The following COL4A5 variants were observed in gnomAD, a reference collection of about 807,000 sequenced individuals.
COL4A5 encodes collagen alpha-5(IV) chain.
In COL4A5, 26 loss-of-function variants were observed where a neutral mutation model predicts 130.2. That is an observed-to-expected ratio of 0.20 (90% CI 0.15 to 0.28). The LOEUF is 0.28. COL4A5 is among the 10% of genes least tolerant of loss of function. COL4A5 has a pLI of 1.00. For synonymous variants in COL4A5, 496 were observed against 439.6 expected (o/e 1.13, Z -1.60); for missense variants, 1,131 against 1,344.3 (o/e 0.84, Z 2.48).
At chrX:108,688,774 A>G (rs889263311) in intron 49 of COL4A5, among the ~76,000 whole-genome samples, 4 of 111,752 alleles carry the variant, frequency 3.6e-5, no homozygotes, top group South Asian at 3.7e-4. Flanking sequence ...CTTTGCCTCC[A>G]TAAAGACATT....
intron 1 of COL4A5, among the ~76,000 whole-genome samples, chrX:108,470,376 A>T (rs1460313638): frequency 1.8e-5 from 2 of 111,655 alleles, no homozygotes; most frequent in Non-Finnish European, 3.8e-5. Flanking sequence ...TGTGGTTTTG[A>T]TTTGTATTTC....
At chrX:108,540,918 T>C (rs2065529737) in intron 2 of COL4A5, among the ~76,000 whole-genome samples, 1 of 112,230 alleles carries the variant, frequency 8.9e-6, no homozygotes, top group Non-Finnish European at 1.9e-5. Flanking sequence ...AGAGTTATAC[T>C]AGGAGATGGG....
chrX:108,625,304 CAT>C (rs1308125324), intron 34 of COL4A5, among the ~76,000 whole-genome samples: 2 of 111,489 alleles, frequency 1.8e-5, no homozygotes, highest in African/African-American at 6.5e-5. Flanking sequence ...TTTCTGATCT[CAT>C]ATAATCACGC....
intron 36 of COL4A5, among the ~76,000 whole-genome samples, chrX:108,637,787 T>C (rs946462894): frequency 6.3e-5 from 7 of 110,530 alleles, no homozygotes; most frequent in African/African-American, 2.3e-4. Context: ...ATTGACTCAG[T>C]AATCAAAAAC....
chrX:108,466,188 A>C (rs1442471898), intron 1 of COL4A5, among the ~76,000 whole-genome samples: 1 of 111,224 alleles, frequency 9.0e-6, no homozygotes, highest in African/African-American at 3.3e-5. Context: ...ATCTATTGTG[A>C]TGAGTGCTGC....
chrX:108,629,751 T>G (rs2147879450), intron 36 of COL4A5, among the ~76,000 whole-genome samples: 1 of 111,001 alleles, frequency 9.0e-6, no homozygotes, highest in East Asian at 2.9e-4. Flanking sequence ...GCCGTATTGG[T>G]TTGTTGCACC....
intron 1 of COL4A5, among the ~76,000 whole-genome samples, chrX:108,458,099 CT>C (rs2064601761): frequency 8.9e-6 from 1 of 111,891 alleles, no homozygotes; most frequent in Non-Finnish European, 1.9e-5. Context: ...ATTTTATCAC[CT>C]TTTTATGGTT....
chrX:108,616,988 G>T (rs112305966), intron 30 of COL4A5, among the ~76,000 whole-genome samples: 1 of 110,618 alleles, frequency 9.0e-6, no homozygotes, highest in African/African-American at 3.3e-5. Context: ...TATAGCCATA[G>T]AATTCAAGAT....
intron 42 of COL4A5, among the ~76,000 whole-genome samples, chrX:108,672,068 C>G (rs1044191409): frequency 1.8e-5 from 2 of 112,029 alleles, no homozygotes; most frequent in African/African-American, 6.5e-5. Flanking sequence ...GCAGACTGTT[C>G]GCTGCATCCA....
intron 1 of COL4A5, among the ~76,000 whole-genome samples, chrX:108,463,229 A>G (rs2064671556): frequency 8.9e-6 from 1 of 112,109 alleles, no homozygotes; most frequent in South Asian, 3.7e-4. Flanking sequence ...GCTTTGTTAT[A>G]TATGTGGTAA....
chrX:108,631,863 C>CA (rs2067267801), intron 36 of COL4A5, among the ~76,000 whole-genome samples: 2 of 110,816 alleles, frequency 1.8e-5, no homozygotes, highest in Non-Finnish European at 3.8e-5. Context: ...ACTAAATGCC[C>CA]ACAAGAGAAA....
chrX:108,615,840 C>A (rs1413361825), intron 30 of COL4A5, among the ~76,000 whole-genome samples: 1 of 112,077 alleles, frequency 8.9e-6, no homozygotes, highest in African/African-American at 3.2e-5. Context: ...CACATGAATA[C>A]ATCTGAAGGC....
At chrX:108,670,191 T>C (rs2147963050) in intron 41 of COL4A5, 37 bp from the exon 42 acceptor site, 2 of 1,204,350 alleles carry the variant, frequency 1.7e-6, no homozygotes, top group Non-Finnish European at 2.2e-6. Context: ...TTGTTAATGA[T>C]GACATTGGGC....
Position 108,686,058 on chromosome X carries a change from G to T in COL4A5, c.4244G>T (p.Gly1415Val). 3.3e-6 allele frequency: 4 copies of T among 1,211,003 alleles called. No homozygotes were observed. The highest frequency in any genetic ancestry group is 4.5e-6 in the Non-Finnish European group (4 of 895,180). ...CCAACTGGCCCTCCAGGAGATCCTG[G>T]ACGCAATGGACTCCCTGGCTTTGAT... Reference protein sequence around the residue: ...PGPTGPPGDPGRNGLPGFDGA... With the variant: ...PGPTGPPGDPVRNGLPGFDGA... The change falls in exon 48 of 53, where the codon GGA becomes GTA. Residue 1415 changes from glycine (G) to valine (V), a missense_variant. Gly to Val is a moderately radical substitution (Grantham distance 109). Coordinates refer to ENST00000328300, the MANE Select transcript of COL4A5 (RefSeq NM_033380.3).
At position 108,692,958 on chromosome X, in the gene COL4A5, A is replaced by G. The variant is rs765902035; in HGVS notation, c.4706+33A>G. On this transcript the variant is annotated intron_variant, in intron 50 of 52. Transcript: ENST00000328300. Reference sequence around the variant, plus strand: ...ATTGATTTAGCTGTGACTTTTACCAATCCCCAGTTAGTTAGCTAGTCAGAT... The same window carrying G: ...ATTGATTTAGCTGTGACTTTTACCAGTCCCCAGTTAGTTAGCTAGTCAGAT... 3.3e-6 allele frequency: 4 copies of G among 1,196,635 alleles called. No individual in the cohort carries two copies. In the East Asian group the frequency reaches 1.2e-4, roughly 35 times the overall value.
At chrX:108,462,016 T>A (rs981975070) in intron 1 of COL4A5, among the ~76,000 whole-genome samples, 2 of 112,341 alleles carry the variant, frequency 1.8e-5, no homozygotes, top group African/African-American at 6.5e-5. Flanking sequence ...CATAGCAAAA[T>A]TAATTATGCT....
chrX:108,614,934 C>A lies in COL4A5; in HGVS notation c.2419C>A (p.Pro807Thr). The A allele has an allele frequency of 8.3e-7, 1 of 1,209,355 alleles. No homozygotes were observed. Among genetic ancestry groups the A allele is most frequent in the Non-Finnish European group, 1.1e-6 (1 of 893,454 alleles). Residue 807 changes from proline to threonine, a missense_variant, in exon 30 of 53, where the codon CCT becomes ACT. Physicochemically the swap from Pro to Thr is conservative, Grantham distance 38. Transcript: ENST00000328300. Reference protein sequence around the residue: ...PKGDVGPNGQPGPMGPPGLPG... With the variant: ...PKGDVGPNGQTGPMGPPGLPG... ...AGGTGATGTTGGACCAAATGGACAA[C>A]CTGGACCAATGGGACCTCCTGGGCT...
At chrX:108,624,463 A>C in intron 34 of COL4A5, 129 bp downstream of exon 34, 1 of 606,079 alleles carries the variant, frequency 1.6e-6, no homozygotes, top group African/African-American at 2.2e-5. Context: ...AGCTACTGAA[A>C]TATGGAGCTC....
At chrX:108,447,949 T>C (rs2147464499) in intron 1 of COL4A5, among the ~76,000 whole-genome samples, 1 of 112,001 alleles carries the variant, frequency 8.9e-6, no homozygotes, top group South Asian at 3.8e-4. Flanking sequence ...ACACCTTCAG[T>C]GTGATATGTG....
Sources: gnomAD v4.1 joint callset for allele counts (sites outside exome capture counted in the v4.1 genomes callset) on GRCh38, gnomAD v4.1.1 for gene constraint, MANE v1.5 for transcripts, NCBI Gene and HGNC (gene_info 2026-07-23, HGNC 2026-07-21) for gene names.